SEC24A: variants seen among roughly 807,000 people sequenced by gnomAD.
SEC24A encodes the protein protein transport protein Sec24A.
In SEC24A, 93 loss-of-function variants were observed where a neutral mutation model predicts 129.4. The observed-to-expected ratio is 0.72, with a 90% confidence interval of 0.61 to 0.85. The LOEUF (loss-of-function observed/expected upper bound fraction) is 0.85, where lower values mean the gene tolerates loss of function less well. Ranked by LOEUF, SEC24A falls within the 40% of genes least tolerant of loss-of-function variation. SEC24A has a pLI of 0.00. For missense variants in SEC24A, 1,264 were observed against 1,307.4 expected (o/e 0.97, Z 0.51); for synonymous variants, 460 against 467.3 (o/e 0.98, Z 0.20).
intron 18 of SEC24A, among the ~76,000 whole-genome samples, chr5:134,711,063 G>A (rs969185635): frequency 2.0e-5 from 3 of 152,170 alleles, no homozygotes; most frequent in African/African-American, 7.2e-5. Context: ...CTGAACCCAG[G>A]AGGCAGAGGT....
chr5:134,674,581 A>G (rs1308046452), intron 4 of SEC24A, 34 bp from the exon 5 acceptor site: 1 of 1,589,838 alleles, frequency 6.3e-7, no homozygotes, highest in African/African-American at 1.4e-5. Flanking sequence ...ATTCTGGAGT[A>G]TAAAATAGAA....
chr5:134,721,011 G>T lies in SEC24A; in HGVS notation c.2984G>T (p.Trp995Leu). ...TCCTGTCCCTAGGTACTGATGCTTT[G>T]GGTTGGAAAAAATTGTACACAGAAT... ...LMDAGSVLML[W>L]VGKNCTQNFL... The change falls in exon 21 of 23, where the codon TGG becomes TTG. Residue 995 changes from tryptophan to leucine, a missense_variant. Physicochemically the swap from Trp to Leu is moderately conservative, Grantham distance 61. Transcript: ENST00000398844. The T allele has an allele frequency of 6.2e-7, 1 of 1,609,518 alleles. No individual in the cohort carries two copies. Among genetic ancestry groups the T allele is most frequent in the South Asian group, 1.1e-5 (1 of 90,958 alleles).
At chr5:134,714,227 C>CA (rs1481989551) in intron 18 of SEC24A, among the ~76,000 whole-genome samples, 3 of 152,028 alleles carry the variant, frequency 2.0e-5, no homozygotes, top group Non-Finnish European at 2.9e-5. Flanking sequence ...GTGGGAGAAT[C>CA]AATGACAGCT....
At position 134,725,385 on chromosome 5, in the gene SEC24A, G is replaced by A; in HGVS notation, c.*291G>A. ...GGATTAAAATAAGAATATTGCAGAG[G>A]CAAAGTACATTTTGTAAAATAAAGA... On this transcript the variant is annotated 3_prime_UTR_variant, in exon 23 of 23. Transcript: ENST00000398844. The A allele has an allele frequency of 4.7e-6, 1 of 212,164 alleles. No homozygotes were observed. Among genetic ancestry groups the A allele is most frequent in the East Asian group, 1.1e-4 (1 of 8,896 alleles). 13.1% of individuals were successfully genotyped at this position (212,164 alleles called of 1,614,324 possible).
At position 134,648,897 on chromosome 5, in the gene SEC24A, G is replaced by C. The variant is rs552686658; in HGVS notation, c.-180G>C. 7 of 476,918 alleles carry C rather than the reference G, an allele frequency of 1.5e-5. No individual in the cohort carries two copies. In the South Asian group the frequency reaches 1.6e-4, roughly 11 times the overall value. 29.5% of individuals were successfully genotyped at this position (476,918 alleles called of 1,614,324 possible). Reference sequence around the variant, plus strand: ...AGCCTCAGCTCCCAGGCTAGGCTGTGGCCGCCGGTGGCCTGGGGAGAGTGC... The same window carrying C: ...AGCCTCAGCTCCCAGGCTAGGCTGTCGCCGCCGGTGGCCTGGGGAGAGTGC... On this transcript the variant is annotated 5_prime_UTR_variant, in exon 1 of 23. Coordinates refer to ENST00000398844, the MANE Select transcript of SEC24A (RefSeq NM_021982.3).
chr5:134,712,960 C>T (rs1226674804), intron 18 of SEC24A, among the ~76,000 whole-genome samples: 1 of 109,490 alleles, frequency 9.1e-6, no homozygotes, highest in Admixed American at 1.1e-4. Context: ...GAGACAGAGT[C>T]TCGCTCTGTC....
At chr5:134,717,859 G>T (rs954387681) in intron 19 of SEC24A, among the ~76,000 whole-genome samples, 5 of 152,168 alleles carry the variant, frequency 3.3e-5, no homozygotes, top group African/African-American at 1.2e-4. Flanking sequence ...AGGTTGTGGT[G>T]AGCTGAGATT....
intron 3 of SEC24A, among the ~76,000 whole-genome samples, chr5:134,669,170 A>AT (rs1750767881): frequency 1.3e-5 from 2 of 151,828 alleles, no homozygotes; most frequent in African/African-American, 4.8e-5. Context: ...AAGAAAAAAA[A>AT]ATTTTTTTTT....
At chr5:134,714,805 T>C (rs554645274) in intron 18 of SEC24A, among the ~76,000 whole-genome samples, 1 of 152,326 alleles carries the variant, frequency 6.6e-6, no homozygotes, top group East Asian at 1.9e-4. Flanking sequence ...CAGATAACTT[T>C]GCCATGGTCA....
At chr5:134,695,620 A>G (rs1751797046) in intron 13 of SEC24A, among the ~76,000 whole-genome samples, 1 of 152,052 alleles carries the variant, frequency 6.6e-6, no homozygotes, top group African/African-American at 2.4e-5. Context: ...CCCTGTCTCT[A>G]CTAAAAATAC....
intron 17 of SEC24A, among the ~76,000 whole-genome samples, chr5:134,706,022 G>A (rs113719119): frequency 0.013 from 2,012 of 152,018 alleles, 18 homozygotes; most frequent in Middle Eastern, 0.041. Flanking sequence ...CGAGTAGCTG[G>A]GATTACAGGC....
At chr5:134,665,937 T>C (rs2150075650) in intron 2 of SEC24A, among the ~76,000 whole-genome samples, 1 of 152,318 alleles carries the variant, frequency 6.6e-6, no homozygotes, top group African/African-American at 2.4e-5. Flanking sequence ...TGTTAATTTG[T>C]ACTAGAATAT....
At position 134,721,045 on chromosome 5, in the gene SEC24A, C is replaced by G; in HGVS notation, c.3018C>G (p.Ser1006Arg). Reference sequence around the variant, plus strand: ...AAAATTGTACACAGAATTTTCTCAGCCAAGTTCTAGGAGTTCAAAACTATG... The same window carrying G: ...AAAATTGTACACAGAATTTTCTCAGGCAAGTTCTAGGAGTTCAAAACTATG... ...VGKNCTQNFL[S>R]QVLGVQNYAS... Residue 1006 changes from serine to arginine, a missense_variant, in exon 21 of 23, where the codon AGC (serine) becomes AGG (arginine). Coordinates refer to ENST00000398844, the MANE Select transcript of SEC24A (RefSeq NM_021982.3). 1 of 1,612,762 alleles carries G rather than the reference C, an allele frequency of 6.2e-7. No individual in the cohort carries two copies. Among genetic ancestry groups the G allele is most frequent in the South Asian group, 1.1e-5 (1 of 91,048 alleles).
At chr5:134,668,529 C>T (rs1750745441) in intron 3 of SEC24A, among the ~76,000 whole-genome samples, 1 of 152,194 alleles carries the variant, frequency 6.6e-6, no homozygotes, top group African/African-American at 2.4e-5. Context: ...AGTTCCAGAC[C>T]AGCCTGGCCA....
intron 13 of SEC24A, among the ~76,000 whole-genome samples, chr5:134,694,640 G>A (rs914911329): frequency 6.7e-6 from 1 of 149,430 alleles, no homozygotes; most frequent in African/African-American, 2.5e-5. Flanking sequence ...GGGTGACAGA[G>A]CGAGACTCCG....
intron 1 of SEC24A, among the ~76,000 whole-genome samples, chr5:134,658,603 C>T (rs758042068): frequency 1.3e-5 from 2 of 152,000 alleles, no homozygotes; most frequent in African/African-American, 2.4e-5. Context: ...GAAATGGAGT[C>T]TCGCTGTGTT....
At chr5:134,704,052 T>TTTTA (rs58595047) in intron 16 of SEC24A, 120 bp downstream of exon 16, 9,939 of 381,148 alleles carry the variant, frequency 0.026, 228 homozygotes, top group Middle Eastern at 0.042. Context: ...AAATTGCTGT[T>TTTTA]TTTATTTATT....
chr5:134,667,982 G>T (rs1400210949), intron 3 of SEC24A, among the ~76,000 whole-genome samples: 1 of 152,180 alleles, frequency 6.6e-6, no homozygotes, highest in Non-Finnish European at 1.5e-5. Flanking sequence ...GGGAGGCTGA[G>T]GCAGGCAGAT....
intron 21 of SEC24A, among the ~76,000 whole-genome samples, chr5:134,721,677 C>T (rs1260606724): frequency 1.3e-5 from 2 of 151,762 alleles, no homozygotes; most frequent in African/African-American, 4.8e-5. Flanking sequence ...TTTGAGACCA[C>T]CCTAAGCAAC....
Sources: allele counts gnomAD v4.1 joint callset (sites outside exome capture counted in the v4.1 genomes callset), GRCh38; gene constraint gnomAD v4.1.1; transcripts MANE v1.5; gene names NCBI Gene and HGNC (gene_info 2026-07-23, HGNC 2026-07-21).